Variants in DNAH9 observed in about 807,000 individuals in gnomAD.
DNAH9 encodes the protein DNAH9 variant protein.
A neutral mutation model predicts 471.6 loss-of-function variants in DNAH9; 345 were observed. That is an observed-to-expected ratio of 0.73 (90% CI 0.67 to 0.80). The LOEUF is 0.80. Ranked by LOEUF, DNAH9 falls within the 30% of genes least tolerant of loss-of-function variation. The pLI, the probability that DNAH9 is intolerant of heterozygous loss-of-function variation, is 0.00. For synonymous variants in DNAH9, 2,093 were observed against 2,123.6 expected (o/e 0.99, Z 0.40); for missense variants, 5,407 against 5,609.2 (o/e 0.96, Z 1.15).
chr17:11,698,392 T>TTA (rs56992368), intron 22 of DNAH9, among the ~76,000 whole-genome samples: 1 of 142,036 alleles, frequency 7.0e-6, no homozygotes, highest in Non-Finnish European at 1.5e-5. Context: ...ATTATATATT[T>TTA]TATATATATA....
chr17:11,851,196 C>T (rs1392867408), intron 49 of DNAH9, among the ~76,000 whole-genome samples: 1 of 152,060 alleles, frequency 6.6e-6, no homozygotes, highest in Non-Finnish European at 1.5e-5. Flanking sequence ...TTGCAACCTC[C>T]ACCTCCCAAG....
At chr17:11,690,734 A>G (rs1011813836) in intron 20 of DNAH9, among the ~76,000 whole-genome samples, 2 of 152,098 alleles carry the variant, frequency 1.3e-5, no homozygotes, top group Non-Finnish European at 2.9e-5. Flanking sequence ...AATACTGGCT[A>G]CTGCAGTTTG....
At chr17:11,685,066 G>A (rs1367636948) in intron 19 of DNAH9, among the ~76,000 whole-genome samples, 1 of 152,148 alleles carries the variant, frequency 6.6e-6, no homozygotes, top group East Asian at 1.9e-4. Flanking sequence ...AGGATTTTGA[G>A]ATAATACACC....
intron 61 of DNAH9, among the ~76,000 whole-genome samples, chr17:11,913,781 CA>C (rs202156734): frequency 0.076 from 8,373 of 110,286 alleles, 327 homozygotes; most frequent in East Asian, 0.23. Context: ...GACCCCGTCT[CA>C]AAAAAAAAAA....
chr17:11,795,244 A>C (rs1016317863), intron 42 of DNAH9, among the ~76,000 whole-genome samples: 4 of 152,204 alleles, frequency 2.6e-5, no homozygotes, highest in African/African-American at 9.7e-5. Context: ...AGGCATTGAT[A>C]TAGTAGCACA....
At chr17:11,969,242 C>A in intron 68 of DNAH9, 58 bp from the exon 69 acceptor site, 5 of 1,482,424 alleles carry the variant, frequency 3.4e-6, no homozygotes, top group Non-Finnish European at 4.7e-6. Context: ...AAGAGCAAGG[C>A]TGGTTGGCTG....
chr17:11,955,519 T>C (rs1477494150), intron 67 of DNAH9, among the ~76,000 whole-genome samples: 2 of 152,228 alleles, frequency 1.3e-5, no homozygotes, highest in African/African-American at 2.4e-5. Flanking sequence ...TATGCTGTTA[T>C]GTCAGGAATC....
In DNAH9 at chr17:11,757,368, C is replaced by A. The variant is rs370260253; in HGVS notation, c.6848-177C>A. Among the ~76,000 whole-genome samples the A allele has an allele frequency of 1.8e-3, 268 of 152,236 alleles. 7 individuals carry two copies. In the South Asian group the frequency reaches 0.053, roughly 30 times the overall value. ...GCTCCCCATCCATCTATCATCAGTC[C>A]GCTGGAGTTGGTCCTCAATAGCAAA... On this transcript the variant is annotated intron_variant, in intron 34 of 68. Transcript: ENST00000262442.
At chr17:11,763,385 C>T in intron 35 of DNAH9, 55 bp from the exon 36 acceptor site, 3 of 1,520,140 alleles carry the variant, frequency 2.0e-6, no homozygotes, top group South Asian at 1.2e-5. Context: ...TCCAACAGCA[C>T]CACCAGAATG....
Position 11,916,427 on chromosome 17 carries a change from G to C in DNAH9, c.11750-7387G>C, listed in dbSNP as rs913585041. ...CCTCTCTCTCTCTTCCTTCCTCCCT[G>C]CCTTCTTGGTGCTTTGATTTATTTT... On this transcript the variant is annotated intron_variant, in intron 61 of 68. Transcript: ENST00000262442. Among the ~76,000 whole-genome samples the C allele has an allele frequency of 5.3e-5, 8 of 152,240 alleles. No homozygotes were observed. In the South Asian group the frequency reaches 1.2e-3, roughly 24 times the overall value.
chr17:11,823,132 A>G, intron 48 of DNAH9, 98 bp downstream of exon 48: 3 of 1,029,086 alleles, frequency 2.9e-6, no homozygotes, highest in Non-Finnish European at 4.2e-6. Flanking sequence ...AGATCTGAAA[A>G]ATATGTACGG....
chr17:11,853,408 C>T (rs1375679702), intron 49 of DNAH9, among the ~76,000 whole-genome samples: 1 of 152,142 alleles, frequency 6.6e-6, no homozygotes, highest in Admixed American at 6.5e-5. Flanking sequence ...ACTCTTTCAG[C>T]CGTGTCTTTC....
At chr17:11,759,260 A>G (rs1017193016) in intron 35 of DNAH9, among the ~76,000 whole-genome samples, 1 of 151,956 alleles carries the variant, frequency 6.6e-6, no homozygotes, top group Admixed American at 6.6e-5. Flanking sequence ...GGGTATTTCA[A>G]CCCTCAACCC....
At chr17:11,678,710 A>T (rs1444618061) in intron 17 of DNAH9, among the ~76,000 whole-genome samples, 1 of 151,878 alleles carries the variant, frequency 6.6e-6, no homozygotes, top group African/African-American at 2.4e-5. Flanking sequence ...AAGTGTTTAT[A>T]TGAGGGTTCC....
Position 11,669,333 on chromosome 17 carries a change from C to T in DNAH9, c.2929-37C>T, listed in dbSNP as rs199690396. 1.9e-6 allele frequency: 3 copies of T among 1,597,002 alleles called. No individual in the cohort carries two copies. In the African/African-American group the frequency reaches 4.0e-5, roughly 21 times the overall value. ...CGAATCTCGAACTTCCTGCCACACA[C>T]TGGTGTAACCTGCCTGCCGTTGTCT... On this transcript the variant is annotated intron_variant, in intron 16 of 68. Transcript: ENST00000262442.
chr17:11,844,749 T>C (rs1971153755), intron 49 of DNAH9, among the ~76,000 whole-genome samples: 1 of 152,144 alleles, frequency 6.6e-6, no homozygotes, highest in Non-Finnish European at 1.5e-5. Context: ...TCAGGGTACA[T>C]GTGCAAGCTT....
intron 61 of DNAH9, among the ~76,000 whole-genome samples, chr17:11,911,750 A>C (rs926366164): frequency 1.3e-5 from 2 of 152,044 alleles, no homozygotes; most frequent in Non-Finnish European, 2.9e-5. Flanking sequence ...GCTTTCTTTA[A>C]GTTCTTTTAA....
At position 11,729,747 on chromosome 17, in the gene DNAH9, C is replaced by T. The variant is rs183659401; in HGVS notation, c.5814+1825C>T. 3.9e-3 allele frequency among the ~76,000 whole-genome samples: 599 copies of T among 152,350 alleles called. 3 individuals carry two copies. Among genetic ancestry groups the T allele is most frequent in the African/African-American group, 0.013 (558 of 41,580 alleles). ...CTGAGCCAGCATCATCCTTGTCCCCCTCTGCCCTGGCAGGAGCCAGCTTCC... is the reference window on the plus strand; with the variant it reads ...CTGAGCCAGCATCATCCTTGTCCCCTTCTGCCCTGGCAGGAGCCAGCTTCC... On this transcript the variant is annotated intron_variant, in intron 28 of 68. Coordinates refer to ENST00000262442, the MANE Select transcript of DNAH9 (RefSeq NM_001372.4).
At chr17:11,830,159 C>T (rs1597707695) in intron 48 of DNAH9, among the ~76,000 whole-genome samples, 2 of 152,164 alleles carry the variant, frequency 1.3e-5, no homozygotes, top group South Asian at 2.1e-4. Context: ...TCTGTTTCTG[C>T]GTCAATGTCA....
Sources: allele counts gnomAD v4.1 joint callset (sites outside exome capture counted in the v4.1 genomes callset), GRCh38; gene constraint gnomAD v4.1.1; transcripts MANE v1.5; gene names NCBI Gene and HGNC (gene_info 2026-07-23, HGNC 2026-07-21).